SOX5: variants seen among roughly 807,000 people sequenced by gnomAD.
SOX5 encodes the protein transcription factor SOX-5.
SOX5 carries 9 observed loss-of-function variants against 92.0 expected under a neutral mutation model. The ratio of observed to expected loss-of-function variants is 0.10; its 90% CI spans 0.06 to 0.17. The LOEUF is 0.17. Among genes scored for constraint, SOX5 ranks in the 10% least tolerant of loss-of-function variants. SOX5 has a pLI of 1.00. For synonymous variants in SOX5, 344 were observed against 336.3 expected, an observed-to-expected ratio of 1.02 and a Z score of -0.25; for missense variants, 642 against 944.5, an observed-to-expected ratio of 0.68 and a Z score of 4.20.
intron 2 of SOX5, among the ~76,000 whole-genome samples, chr12:23,860,936 C>A (rs1595129419): frequency 1.1e-5 from 1 of 89,728 alleles, no homozygotes; most frequent in Admixed American, 1.4e-4. Flanking sequence ...GATTTTGAAA[C>A]ACAAAGTATA....
At chr12:24,497,615 T>C (rs574923210) in intron 1 of SOX5, among the ~76,000 whole-genome samples, 2 of 152,326 alleles carry the variant, frequency 1.3e-5, no homozygotes, top group East Asian at 3.9e-4. Context: ...TGTAAATCAA[T>C]TCAACCATTG....
intron 3 of SOX5, among the ~76,000 whole-genome samples, chr12:23,797,848 C>T (rs931386829): frequency 6.6e-6 from 1 of 151,996 alleles, no homozygotes; most frequent in Non-Finnish European, 1.5e-5. Context: ...AACTTACTAC[C>T]TCCTAACCTC....
intron 6 of SOX5, among the ~76,000 whole-genome samples, chr12:23,717,632 C>T (rs555962422): frequency 6.6e-6 from 1 of 152,114 alleles, no homozygotes; most frequent in Non-Finnish European, 1.5e-5. Context: ...GTGAAAGAGT[C>T]CCTATGAGTA....
chr12:24,152,344 T>G (rs1951742147), intron 4 of SOX5, among the ~76,000 whole-genome samples: 1 of 152,064 alleles, frequency 6.6e-6, no homozygotes, highest in Non-Finnish European at 1.5e-5. Context: ...ATTTTATGAG[T>G]TTTTATCCGG....
chr12:24,095,006 T>C lies in SOX5; in HGVS notation c.-2+118337A>G, dbSNP rs137915166. Among the ~76,000 whole-genome samples the C allele has an allele frequency of 9.3e-4, 142 of 152,220 alleles. 1 individual carries two copies. The highest frequency in any genetic ancestry group is 3.4e-3 in the Middle Eastern group (1 of 294). On this transcript the variant is annotated intron_variant, in intron 4 of 4. Coordinates refer to the SOX5 transcript ENST00000446891. ...ATCATGTACAAGTACATCTTATCCT[T>C]CTGGAAATGATTGGTAATTGTCTTG...
At chr12:24,414,885 C>T (rs1287927273) in intron 1 of SOX5, among the ~76,000 whole-genome samples, 2 of 152,104 alleles carry the variant, frequency 1.3e-5, no homozygotes, top group Non-Finnish European at 2.9e-5. Flanking sequence ...TTGTCTTTTT[C>T]TCCTTTTCAG....
chr12:23,689,485 C>T (rs1002471369), intron 6 of SOX5, among the ~76,000 whole-genome samples: 1 of 152,088 alleles, frequency 6.6e-6, no homozygotes, highest in Non-Finnish European at 1.5e-5. Context: ...TTATTATTGA[C>T]TATGCTTCTT....
Position 24,147,690 on chromosome 12 carries a change from AC to A in SOX5, c.-2+65652del, listed in dbSNP as rs1296776516. Among the ~76,000 whole-genome samples, 6 of 152,350 alleles carry A rather than the reference AC, an allele frequency of 3.9e-5. No homozygotes were observed. The South Asian group carries it at 6.2e-4, about 16-fold the overall frequency. On this transcript the variant is annotated intron_variant, in intron 4 of 4. Coordinates refer to the SOX5 transcript ENST00000446891. ...ATCTGACTGAATTTACAATAAAGCT[AC>A]TAGAGCTAATGAGTTTAGAGGGCTG...
rs570336150 is a variant in SOX5 at position 24,119,928 on chromosome 12, T to C, written c.-2+93415A>G. Among the ~76,000 whole-genome samples the C allele has an allele frequency of 9.0e-4, 137 of 152,320 alleles. 1 individual carries two copies. In the South Asian group the frequency reaches 0.014, roughly 16 times the overall value. Reference sequence around the variant, plus strand: ...TGTAAATGGGAAGTTATACAGTATATAGTATTTTGTGTTTGGCTCATGCAC... The same window carrying C: ...TGTAAATGGGAAGTTATACAGTATACAGTATTTTGTGTTTGGCTCATGCAC... On this transcript the variant is annotated intron_variant, in intron 4 of 4. Coordinates refer to the SOX5 transcript ENST00000446891.
intron 2 of SOX5, among the ~76,000 whole-genome samples, chr12:23,885,732 T>C (rs1365312423): frequency 6.6e-6 from 1 of 152,160 alleles, no homozygotes; most frequent in Non-Finnish European, 1.5e-5. Flanking sequence ...AAAGGAGATA[T>C]GTAACCAAAT....
At chr12:23,923,038 T>C (rs572281206) in intron 1 of SOX5, among the ~76,000 whole-genome samples, 7 of 151,812 alleles carry the variant, frequency 4.6e-5, no homozygotes, top group South Asian at 4.2e-4. Context: ...CTCCGCCTCC[T>C]GGGTTCCCGC....
intron 2 of SOX5, among the ~76,000 whole-genome samples, chr12:24,354,743 A>G (rs914301483): frequency 1.3e-5 from 2 of 152,236 alleles, no homozygotes; most frequent in African/African-American, 4.8e-5. Flanking sequence ...GTCTGGTCGT[A>G]TCATTTGTGT....
chr12:24,280,321 A>G (rs181311371), intron 2 of SOX5, among the ~76,000 whole-genome samples: 6 of 152,316 alleles, frequency 3.9e-5, no homozygotes, highest in Middle Eastern at 3.4e-3. Context: ...AAATTGCGTT[A>G]AGAAACACAG....
intron 2 of SOX5, among the ~76,000 whole-genome samples, chr12:24,331,775 G>C (rs1030720660): frequency 2.7e-5 from 4 of 146,050 alleles, no homozygotes; most frequent in Non-Finnish European, 5.9e-5. Flanking sequence ...TTGAGCCCAG[G>C]GGGCAGAGGT....
At chr12:24,353,313 G>C (rs1023990423) in intron 2 of SOX5, among the ~76,000 whole-genome samples, 2 of 152,114 alleles carry the variant, frequency 1.3e-5, no homozygotes, top group African/African-American at 4.8e-5. Flanking sequence ...TCCAGAATCT[G>C]GAGTCTTCGT....
intron 1 of SOX5, among the ~76,000 whole-genome samples, chr12:24,502,759 C>T (rs766781516): frequency 6.6e-6 from 1 of 152,154 alleles, no homozygotes; most frequent in Non-Finnish European, 1.5e-5. Flanking sequence ...GCAGCAGATA[C>T]TGCCTTAATC....
intron 4 of SOX5, among the ~76,000 whole-genome samples, chr12:24,000,217 T>C (rs1233621382): frequency 6.6e-6 from 1 of 151,448 alleles, no homozygotes; most frequent in Non-Finnish European, 1.5e-5. Flanking sequence ...GATAAGAAGT[T>C]GGTAACTTCG....
At chr12:23,894,929 C>T (rs1472081785) in intron 2 of SOX5, among the ~76,000 whole-genome samples, 3 of 152,062 alleles carry the variant, frequency 2.0e-5, no homozygotes, top group Non-Finnish European at 4.4e-5. Context: ...AAATGTGATC[C>T]ACCCAAGCAG....
chr12:23,678,920 A>G (rs1019815865), intron 6 of SOX5, among the ~76,000 whole-genome samples: 2 of 152,160 alleles, frequency 1.3e-5, no homozygotes, highest in Non-Finnish European at 2.9e-5. Flanking sequence ...AATCCTAAGT[A>G]TCAAAATAAA....
Sources: allele counts gnomAD v4.1 joint callset (sites outside exome capture counted in the v4.1 genomes callset), GRCh38; gene constraint gnomAD v4.1.1; transcripts MANE v1.5; gene names NCBI Gene and HGNC (gene_info 2026-07-23, HGNC 2026-07-21).